PRKCA: variants seen among roughly 807,000 people sequenced by gnomAD.
PRKCA encodes the protein protein kinase C alpha type.
Under a neutral mutation model 87.0 loss-of-function variants are expected in PRKCA, and 27 were observed. That is an observed-to-expected ratio of 0.31 (90% CI 0.23 to 0.43). The LOEUF (loss-of-function observed/expected upper bound fraction) is 0.43. Among genes scored for constraint, PRKCA ranks in the 20% least tolerant of loss-of-function variants. The pLI, the probability that PRKCA is intolerant of heterozygous loss-of-function variation, is 1.00. For synonymous variants in PRKCA, 329 were observed against 311.1 expected (o/e 1.06, Z -0.61); for missense variants, 518 against 852.3 (o/e 0.61, Z 4.88).
intron 3 of PRKCA, among the ~76,000 whole-genome samples, chr17:66,569,872 C>G: frequency 6.6e-6 from 1 of 152,208 alleles, no homozygotes; most frequent in East Asian, 1.9e-4. Context: ...AATACACACT[C>G]CTGTCAGACA....
intron 14 of PRKCA, chr17:66,777,556 G>C: frequency 1.0e-6 from 1 of 984,740 alleles, no homozygotes; most frequent in Non-Finnish European, 1.2e-6. Context: ...TGCTCCTCAA[G>C]TTAATTTCCC....
At chr17:66,763,205 T>G (rs1314708499) in intron 13 of PRKCA, among the ~76,000 whole-genome samples, 1 of 152,228 alleles carries the variant, frequency 6.6e-6, no homozygotes, top group East Asian at 1.9e-4. Flanking sequence ...TTGGATCAGA[T>G]CCACTACTTC....
intron 13 of PRKCA, among the ~76,000 whole-genome samples, 155 bp downstream of exon 13, chr17:66,742,915 A>C (rs1176854264): frequency 6.6e-6 from 1 of 152,238 alleles, no homozygotes; most frequent in Non-Finnish European, 1.5e-5. Context: ...AAATAGAGGA[A>C]ATAGGAGAGC....
intron 2 of PRKCA, among the ~76,000 whole-genome samples, chr17:66,442,150 C>T (rs2143879170): frequency 6.6e-6 from 1 of 151,892 alleles, no homozygotes; most frequent in East Asian, 1.9e-4. Context: ...TGACCTCTGC[C>T]TCCTGGATTC....
chr17:66,681,949 G>C (rs9915272), intron 5 of PRKCA, among the ~76,000 whole-genome samples: 1 of 152,286 alleles, frequency 6.6e-6, no homozygotes, highest in East Asian at 1.9e-4. Context: ...CATCAAGCAG[G>C]CTCTTGGCAA....
chr17:66,457,705 C>T (rs1914633318), intron 2 of PRKCA, among the ~76,000 whole-genome samples: 1 of 152,132 alleles, frequency 6.6e-6, no homozygotes. Context: ...TTGCTCTGCA[C>T]TTCTCCTTGC....
At chr17:66,734,711 C>T (rs1309247862) in intron 9 of PRKCA, among the ~76,000 whole-genome samples, 1 of 152,170 alleles carries the variant, frequency 6.6e-6, no homozygotes, top group East Asian at 1.9e-4. Context: ...CAGCAGATCT[C>T]AGCCTTATTT....
intron 3 of PRKCA, among the ~76,000 whole-genome samples, chr17:66,631,381 A>G (rs1721919598): frequency 1.3e-5 from 2 of 152,178 alleles, no homozygotes; most frequent in Non-Finnish European, 2.9e-5. Context: ...TGTGATTTGA[A>G]TACTTACACA....
intron 3 of PRKCA, among the ~76,000 whole-genome samples, chr17:66,579,860 T>A (rs532599064): frequency 1.3e-5 from 2 of 152,092 alleles, no homozygotes; most frequent in East Asian, 3.9e-4. Flanking sequence ...AGAGGAATTA[T>A]ACACCGAAGG....
intron 2 of PRKCA, among the ~76,000 whole-genome samples, chr17:66,329,047 A>G (rs1353727991): frequency 6.6e-6 from 1 of 152,216 alleles, no homozygotes; most frequent in Non-Finnish European, 1.5e-5. Flanking sequence ...TATGTGAAGA[A>G]CTAACTAGAA....
intron 2 of PRKCA, among the ~76,000 whole-genome samples, chr17:66,336,916 G>A (rs1598600496): frequency 6.6e-6 from 1 of 151,902 alleles, no homozygotes; most frequent in African/African-American, 2.4e-5. Context: ...AGCCTCCCAA[G>A]TAGCTGGGGT....
chr17:66,407,721 AAGT>A (rs1200843404), intron 2 of PRKCA, among the ~76,000 whole-genome samples: 1 of 152,280 alleles, frequency 6.6e-6, no homozygotes, highest in East Asian at 1.9e-4. Flanking sequence ...TAAAAAAAAA[AAGT>A]AGATTTCCTT....
chr17:66,434,745 G>T (rs1913284522), intron 2 of PRKCA, among the ~76,000 whole-genome samples: 1 of 152,154 alleles, frequency 6.6e-6, no homozygotes, highest in South Asian at 2.1e-4. Context: ...TAGACAGCTT[G>T]CTTAACTTCT....
chr17:66,776,715 C>G (rs1436655996), intron 14 of PRKCA, among the ~76,000 whole-genome samples: 1 of 152,188 alleles, frequency 6.6e-6, no homozygotes, highest in Non-Finnish European at 1.5e-5. Flanking sequence ...CTTGAGAGAT[C>G]TAGTGCACTC....
chr17:66,595,127 A>C (rs1969932502), intron 3 of PRKCA, among the ~76,000 whole-genome samples: 1 of 152,116 alleles, frequency 6.6e-6, no homozygotes, highest in Non-Finnish European at 1.5e-5. Context: ...CTGTCTTCAC[A>C]TGACCCTCTT....
chr17:66,584,147 C>G (rs1437876220), intron 3 of PRKCA, among the ~76,000 whole-genome samples: 4 of 152,182 alleles, frequency 2.6e-5, no homozygotes, highest in Non-Finnish European at 5.9e-5. Flanking sequence ...GGTGGCTTAG[C>G]TTCCTAGGGC....
chr17:66,778,296 G>A (rs376942644), intron 14 of PRKCA: 14 of 810,776 alleles, frequency 1.7e-5, no homozygotes, highest in East Asian at 2.5e-4. Flanking sequence ...GGCGGATCAC[G>A]AGGTCAGGAG....
At chr17:66,564,055 T>TTTTCTTCC (rs1968811256) in intron 3 of PRKCA, among the ~76,000 whole-genome samples, 1 of 150,384 alleles carries the variant, frequency 6.6e-6, no homozygotes, top group Non-Finnish European at 1.5e-5. Flanking sequence ...CCTTTCTTCC[T>TTTTCTTCC]TTTCTTCCTT....
intron 2 of PRKCA, among the ~76,000 whole-genome samples, chr17:66,333,808 G>A (rs1377619828): frequency 1.3e-5 from 2 of 152,066 alleles, no homozygotes; most frequent in East Asian, 3.9e-4. Context: ...GGGTAACTTC[G>A]GAGAGTCTTT....
Sources: gnomAD v4.1 joint callset for allele counts (sites outside exome capture counted in the v4.1 genomes callset) on GRCh38, gnomAD v4.1.1 for gene constraint, MANE v1.5 for transcripts, NCBI Gene and HGNC (gene_info 2026-07-23, HGNC 2026-07-21) for gene names.